CTNNA2: variants seen among roughly 807,000 people sequenced by gnomAD.
CTNNA2 encodes catenin alpha-2.
Under a neutral mutation model 101.0 loss-of-function variants are expected in CTNNA2, and 42 were observed. The ratio of observed to expected loss-of-function variants is 0.42; its 90% confidence interval spans 0.32 to 0.54. The LOEUF is 0.54. Among genes scored for constraint, CTNNA2 ranks in the 20% least tolerant of loss-of-function variants. The pLI, the probability that CTNNA2 is intolerant of heterozygous loss-of-function variation, is 0.14. For missense variants in CTNNA2, 871 were observed against 1,223.1 expected (o/e 0.71, Z 4.29); for synonymous variants, 450 against 456.4 (o/e 0.99, Z 0.18).
chr2:80,312,411 C>T (rs965869663), intron 7 of CTNNA2, among the ~76,000 whole-genome samples: 2 of 152,268 alleles, frequency 1.3e-5, no homozygotes, highest in Admixed American at 6.5e-5. Context: ...TGACTTAGGT[C>T]AGAGCAGGTG....
chr2:79,821,209 TTTTTA>T (rs921823749), intron 3 of CTNNA2, among the ~76,000 whole-genome samples: 15 of 152,094 alleles, frequency 9.9e-5, no homozygotes, highest in African/African-American at 3.6e-4. Flanking sequence ...GCTTTAATTG[TTTTTA>T]TTTTATTTTT....
intron 1 of CTNNA2, among the ~76,000 whole-genome samples, chr2:79,563,178 T>C (rs1190374551): frequency 1.1e-5 from 1 of 94,648 alleles, no homozygotes; most frequent in African/African-American, 3.2e-5. Context: ...TATATATATA[T>C]ATATATATAT....
chr2:80,267,730 A>G (rs1038345808), intron 7 of CTNNA2, among the ~76,000 whole-genome samples: 1 of 152,228 alleles, frequency 6.6e-6, no homozygotes, highest in African/African-American at 2.4e-5. Context: ...TAGAATGAAT[A>G]CATGCAATCT....
At chr2:80,542,210 C>A (rs1691625918) in intron 9 of CTNNA2, among the ~76,000 whole-genome samples, 2 of 151,628 alleles carry the variant, frequency 1.3e-5, no homozygotes, top group South Asian at 4.2e-4. Flanking sequence ...TTGATGGTTT[C>A]ATAAATGTAG....
chr2:79,511,659 T>C (rs1671545165), upstream of CTNNA2, among the ~76,000 whole-genome samples: 1 of 152,130 alleles, frequency 6.6e-6, no homozygotes, highest in Non-Finnish European at 1.5e-5. Context: ...AAAAAGATAT[T>C]GGGAGAGAAA....
chr2:79,905,718 A>G (rs1235048548), intron 6 of CTNNA2, among the ~76,000 whole-genome samples: 4 of 152,108 alleles, frequency 2.6e-5, no homozygotes, highest in Non-Finnish European at 5.9e-5. Flanking sequence ...GCTGGTATGG[A>G]GAACTGAGGC....
At chr2:79,776,755 A>G (rs1401149951) in intron 3 of CTNNA2, among the ~76,000 whole-genome samples, 1 of 152,202 alleles carries the variant, frequency 6.6e-6, no homozygotes, top group Non-Finnish European at 1.5e-5. Context: ...CAGAAAATAC[A>G]TTTCCTAATT....
At chr2:79,744,783 A>T (rs1671526536) in intron 3 of CTNNA2, among the ~76,000 whole-genome samples, 1 of 152,110 alleles carries the variant, frequency 6.6e-6, no homozygotes, top group African/African-American at 2.4e-5. Context: ...AGCTACAAAC[A>T]CTCCATGTCT....
At chr2:79,536,862 C>T (rs1454961958) in intron 1 of CTNNA2, among the ~76,000 whole-genome samples, 2 of 151,964 alleles carry the variant, frequency 1.3e-5, no homozygotes, top group Non-Finnish European at 2.9e-5. Context: ...CTGCCATGCC[C>T]AGCTAACTTT....
chr2:80,537,959 T>C (rs1691189267), intron 9 of CTNNA2, among the ~76,000 whole-genome samples: 1 of 152,220 alleles, frequency 6.6e-6, no homozygotes, highest in Admixed American at 6.5e-5. Flanking sequence ...GTGGTTTTAA[T>C]TTGCATTTCT....
At chr2:79,531,184 A>G (rs1042982555) in intron 1 of CTNNA2, among the ~76,000 whole-genome samples, 1 of 139,372 alleles carries the variant, frequency 7.2e-6, no homozygotes, top group Middle Eastern at 3.4e-3. Context: ...TTATTAGTAA[A>G]TAGATACGCT....
intron 15 of CTNNA2, among the ~76,000 whole-genome samples, chr2:80,596,476 A>AT (rs1184674083): frequency 6.7e-6 from 1 of 150,202 alleles, no homozygotes; most frequent in Admixed American, 6.6e-5. Context: ...TGCCCGGCTA[A>AT]TTTTTTTGTG....
intron 2 of CTNNA2, among the ~76,000 whole-genome samples, chr2:79,223,960 G>A (rs1674377642): frequency 6.6e-6 from 1 of 152,148 alleles, no homozygotes; most frequent in Non-Finnish European, 1.5e-5. Context: ...TGAATTACAG[G>A]AACATAATTT....
intron 7 of CTNNA2, among the ~76,000 whole-genome samples, chr2:80,356,136 A>G (rs553907007): frequency 2.2e-4 from 33 of 152,268 alleles, no homozygotes; most frequent in African/African-American, 7.7e-4. Flanking sequence ...AAGATAGGGA[A>G]CATGCCTGCT....
intron 4 of CTNNA2, among the ~76,000 whole-genome samples, chr2:79,858,950 A>T (rs892452): frequency 6.6e-6 from 1 of 150,544 alleles, no homozygotes; most frequent in African/African-American, 2.5e-5. Flanking sequence ...CCATTTTTCT[A>T]CTTGCTGATT....
chr2:79,842,239 G>T (rs1431040377), intron 3 of CTNNA2, among the ~76,000 whole-genome samples: 1 of 152,114 alleles, frequency 6.6e-6, no homozygotes, highest in South Asian at 2.1e-4. Flanking sequence ...ATGGTTAAAA[G>T]CCCAAATTCT....
intron 4 of CTNNA2, among the ~76,000 whole-genome samples, chr2:79,427,079 T>C (rs1437709364): frequency 1.3e-5 from 2 of 152,098 alleles, no homozygotes; most frequent in Admixed American, 6.6e-5. Flanking sequence ...GTCATGTCTT[T>C]TTTTTTTAAC....
intron 7 of CTNNA2, among the ~76,000 whole-genome samples, chr2:80,037,376 CA>C (rs996149769): frequency 1.1e-4 from 16 of 151,814 alleles, no homozygotes; most frequent in African/African-American, 3.9e-4. Context: ...TTCACTACTG[CA>C]AAAAAAATGA....
chr2:79,698,607 A>G (rs1684794618), intron 2 of CTNNA2, among the ~76,000 whole-genome samples: 2 of 152,062 alleles, frequency 1.3e-5, no homozygotes, highest in African/African-American at 2.4e-5. Context: ...ATTTGGGGGT[A>G]ATTCTTTCCC....
Sources: gnomAD v4.1 joint callset for allele counts (sites outside exome capture counted in the v4.1 genomes callset) on GRCh38, gnomAD v4.1.1 for gene constraint, MANE v1.5 for transcripts, NCBI Gene and HGNC (gene_info 2026-07-23, HGNC 2026-07-21) for gene names.